The following FAM3C variants were observed in gnomAD, a reference collection of about 807,000 sequenced individuals.
FAM3C encodes protein FAM3C.
In FAM3C, 15 loss-of-function variants were observed where a neutral mutation model predicts 32.5. The observed-to-expected ratio is 0.46, with a 90% CI of 0.31 to 0.71. The LOEUF is 0.71. Ranked by LOEUF, FAM3C falls within the 30% of genes least tolerant of loss-of-function variation. FAM3C has a pLI of 0.05. For missense variants in FAM3C, 175 were observed against 274.4 expected (o/e 0.64, Z 2.56); for synonymous variants, 75 against 86.1 (o/e 0.87, Z 0.72).
At chr7:121,387,881 T>C (rs1377057181) in intron 1 of FAM3C, among the ~76,000 whole-genome samples, 1 of 152,068 alleles carries the variant, frequency 6.6e-6, no homozygotes, top group Non-Finnish European at 1.5e-5. Flanking sequence ...TTAAAAAACC[T>C]TGTCTTTAAT....
intron 5 of FAM3C, among the ~76,000 whole-genome samples, chr7:121,370,917 G>A (rs957569791): frequency 1.1e-4 from 17 of 152,088 alleles, no homozygotes; most frequent in Non-Finnish European, 2.1e-4. Flanking sequence ...CCTGAACTGC[G>A]GTGACAGATA....
intron 1 of FAM3C, among the ~76,000 whole-genome samples, chr7:121,394,822 A>G (rs889228483): frequency 6.6e-6 from 1 of 152,222 alleles, no homozygotes; most frequent in Non-Finnish European, 1.5e-5. Context: ...GATTCTGCCA[A>G]TTTCTTGTTA....
chr7:121,395,486 T>C (rs1329271268), intron 1 of FAM3C, among the ~76,000 whole-genome samples: 2 of 148,728 alleles, frequency 1.3e-5, no homozygotes, highest in Admixed American at 6.7e-5. Flanking sequence ...AGGTAGAGGA[T>C]GATGGAAACC....
intron 6 of FAM3C, among the ~76,000 whole-genome samples, 179 bp downstream of exon 6, chr7:121,363,951 C>T (rs752646569): frequency 1.2e-4 from 18 of 152,048 alleles, no homozygotes; most frequent in Non-Finnish European, 2.1e-4. Context: ...TCAAGAAACA[C>T]GCTATAAATT....
intron 1 of FAM3C, among the ~76,000 whole-genome samples, chr7:121,386,124 T>C (rs1333261343): frequency 6.6e-6 from 1 of 152,118 alleles, no homozygotes; most frequent in Non-Finnish European, 1.5e-5. Flanking sequence ...TATGGCAAAA[T>C]GACTAAGCTT....
In FAM3C at chr7:121,351,190, C is replaced by T. The variant is rs1362808339; in HGVS notation, c.547G>A (p.Val183Ile). Residue 183 changes from valine (V) to isoleucine (I), a missense_variant, in exon 9 of 10, where the codon GTC (valine) becomes ATC (isoleucine). Transcript: ENST00000359943. ...ITNLGFRDNWVFCGGKGIKTK... is the reference protein window; with the variant it reads ...ITNLGFRDNWIFCGGKGIKTK... ...TTAATGCCCTTCCCACCACAGAAGACCCAGTTGTCTCTAAAACCAAGATTA... is the reference window on the plus strand; with the variant it reads ...TTAATGCCCTTCCCACCACAGAAGATCCAGTTGTCTCTAAAACCAAGATTA... 6.2e-7 allele frequency: 1 copy of T among 1,613,696 alleles called. No homozygotes were observed. The highest frequency in any genetic ancestry group is 1.7e-5 in the Admixed American group (1 of 59,968).
intron 3 of FAM3C, among the ~76,000 whole-genome samples, chr7:121,374,639 T>A (rs1362548486): frequency 6.6e-6 from 1 of 152,156 alleles, no homozygotes; most frequent in Non-Finnish European, 1.5e-5. Flanking sequence ...TAGTCTGAAA[T>A]GAGAATTAAA....
chr7:121,392,255 G>A (rs1002558032), intron 1 of FAM3C, among the ~76,000 whole-genome samples: 2 of 152,168 alleles, frequency 1.3e-5, no homozygotes, highest in Non-Finnish European at 2.9e-5. Context: ...CCAAGACTGG[G>A]TAACCTATAA....
chr7:121,367,636 T>C (rs1025622235), intron 5 of FAM3C, among the ~76,000 whole-genome samples: 5 of 152,126 alleles, frequency 3.3e-5, no homozygotes, highest in East Asian at 3.8e-4. Flanking sequence ...CAAATGAATA[T>C]ATGCCTTAGA....
rs189705181 is a variant in FAM3C at position 121,362,962 on chromosome 7, A to G, written c.332-15T>C. 2.7e-5 allele frequency: 35 copies of G among 1,272,914 alleles called. No homozygotes were observed. The Admixed American group carries it at 6.3e-4, about 23-fold the overall frequency. The allele number at this position is 1,272,914 out of a possible 1,614,324, so 78.9% of individuals were successfully genotyped here. The stretch of plus-strand genomic sequence containing the variant: ...TCCTGTTTTTCCTAAAAGAGATTAA[A>G]TTCATATCAAATTATGCATCTGAAA... On this transcript the variant is annotated splice_polypyrimidine_tract_variant and intron_variant, in intron 6 of 9. Coordinates refer to ENST00000359943, the MANE Select transcript of FAM3C (RefSeq NM_014888.3).
intron 8 of FAM3C, 39 bp from the exon 9 acceptor site, chr7:121,351,308 G>A (rs910969609): frequency 1.3e-6 from 2 of 1,590,644 alleles, no homozygotes; most frequent in South Asian, 1.1e-5. Flanking sequence ...ATAAACAGAG[G>A]GAACTGTATG....
intron 8 of FAM3C, among the ~76,000 whole-genome samples, chr7:121,358,440 A>G (rs1228348875): frequency 1.3e-5 from 2 of 152,060 alleles, no homozygotes; most frequent in African/African-American, 2.4e-5. Flanking sequence ...AAAGTCAGAG[A>G]AAAAATTATT....
intron 5 of FAM3C, among the ~76,000 whole-genome samples, chr7:121,367,459 A>T (rs1794044839): frequency 6.6e-6 from 1 of 152,206 alleles, no homozygotes; most frequent in Admixed American, 6.5e-5. Context: ...TTATGTAAGT[A>T]CATACATAAT....
intron 1 of FAM3C, 73 bp from the exon 2 acceptor site, chr7:121,383,083 TG>T: frequency 1.3e-6 from 1 of 775,834 alleles, no homozygotes; most frequent in Non-Finnish European, 2.1e-6. Context: ...GAGTTTGAAA[TG>T]GGGCATATAA....
chr7:121,387,106 C>T (rs911754377), intron 1 of FAM3C, among the ~76,000 whole-genome samples: 28 of 152,004 alleles, frequency 1.8e-4, no homozygotes, highest in Non-Finnish European at 2.8e-4. Context: ...AACATGTGAA[C>T]GAATGAGTCT....
chr7:121,368,328 C>T (rs1562887139), intron 5 of FAM3C, among the ~76,000 whole-genome samples: 1 of 152,136 alleles, frequency 6.6e-6, no homozygotes, highest in Non-Finnish European at 1.5e-5. Flanking sequence ...GCAAAACTGC[C>T]CCCATTGAGA....
chr7:121,363,106 G>C (rs1423671425), intron 6 of FAM3C, among the ~76,000 whole-genome samples, 159 bp from the exon 7 acceptor site: 1 of 152,118 alleles, frequency 6.6e-6, no homozygotes, highest in Non-Finnish European at 1.5e-5. Context: ...GAATTACTTT[G>C]AGAACTTAAA....
chr7:121,363,051 A>T, intron 6 of FAM3C, 104 bp from the exon 7 acceptor site: 1 of 603,560 alleles, frequency 1.7e-6, no homozygotes, highest in South Asian at 2.2e-5. Flanking sequence ...TTAGCAGAGA[A>T]GATGTGAATT....
intron 1 of FAM3C, among the ~76,000 whole-genome samples, chr7:121,385,218 CA>C (rs1562892778): frequency 2.0e-5 from 3 of 151,914 alleles, no homozygotes; most frequent in African/African-American, 7.3e-5. Flanking sequence ...AGCCACTTAC[CA>C]AAACCAGAAA....
Sources: allele counts gnomAD v4.1 joint callset (sites outside exome capture counted in the v4.1 genomes callset), GRCh38; gene constraint gnomAD v4.1.1; transcripts MANE v1.5; gene names NCBI Gene and HGNC (gene_info 2026-07-23, HGNC 2026-07-21).